Variants in ZMYM2 observed in about 807,000 individuals in gnomAD.
The protein encoded by ZMYM2 is zinc finger MYM-type protein 2.
ZMYM2 carries 56 observed loss-of-function variants against 162.8 expected under a neutral mutation model. That is an observed-to-expected ratio of 0.34 (90% CI 0.28 to 0.43). The LOEUF (loss-of-function observed/expected upper bound fraction) is 0.43, where lower values mean the gene tolerates loss of function less well. Ranked by LOEUF, ZMYM2 falls within the 20% of genes least tolerant of loss-of-function variation. The pLI is 1.00. For synonymous variants in ZMYM2, 510 were observed against 541.6 expected, an observed-to-expected ratio of 0.94 and a Z score of 0.81; for missense variants, 1,275 against 1,621.8, an observed-to-expected ratio of 0.79 and a Z score of 3.67.
the ZMYM2 span, among the ~76,000 whole-genome samples, chr13:19,947,828 C>T: frequency 1.3e-5 from 2 of 152,022 alleles, no homozygotes; most frequent in African/African-American, 2.4e-5. Flanking sequence ...GTTTACCTAT[C>T]CTACAACAGC....
At chr13:20,046,607 G>GTGTGTGTATA (rs781273129) in intron 12 of ZMYM2, among the ~76,000 whole-genome samples, 6 of 104,374 alleles carry the variant, frequency 5.7e-5, no homozygotes, top group African/African-American at 1.6e-4. Context: ...GTGTGTGTGT[G>GTGTGTGTATA]TATATATATG....
the ZMYM2 span, among the ~76,000 whole-genome samples, chr13:19,925,020 G>A: frequency 1.3e-5 from 2 of 152,116 alleles, no homozygotes; most frequent in Non-Finnish European, 1.5e-5. Flanking sequence ...GAGTAGCTGG[G>A]ATTACAGGCA....
intron 7 of ZMYM2, among the ~76,000 whole-genome samples, chr13:20,023,314 A>T (rs1594418405): frequency 1.3e-5 from 2 of 152,324 alleles, no homozygotes; most frequent in African/African-American, 4.8e-5. Context: ...GCCATTTCCT[A>T]AATTAGATTT....
rs755353903 is a variant in ZMYM2 at position 20,058,717 on chromosome 13, A to C, written c.2623+13A>C. On this transcript the variant is annotated intron_variant, in intron 15 of 24. Coordinates refer to ENST00000610343, the MANE Select transcript of ZMYM2 (RefSeq NM_197968.4). ...TCTTGTCAGACAGGTAACTTAGGAC[A>C]ATGTGACTTACATACTTCCCCATAC... The C allele has an allele frequency of 6.2e-7, 1 of 1,612,444 alleles. No individual in the cohort carries two copies. The highest frequency in any genetic ancestry group is 1.7e-5 in the Admixed American group (1 of 59,832).
At chr13:19,953,528 A>T in the ZMYM2 span, among the ~76,000 whole-genome samples, 1 of 151,962 alleles carries the variant, frequency 6.6e-6, no homozygotes, top group Non-Finnish European at 1.5e-5. Flanking sequence ...GCTAAAGAAC[A>T]CAAAAATTAG....
the ZMYM2 span, among the ~76,000 whole-genome samples, chr13:19,903,606 A>G: frequency 6.6e-6 from 1 of 151,574 alleles, no homozygotes; most frequent in South Asian, 2.1e-4. Flanking sequence ...GATGGCTCAT[A>G]CCTATAATCC....
At chr13:19,912,343 G>GTTTTT in the ZMYM2 span, among the ~76,000 whole-genome samples, 1 of 23,942 alleles carries the variant, frequency 4.2e-5, no homozygotes, top group African/African-American at 1.5e-4. Context: ...TTTGTTTTTT[G>GTTTTT]TTTTTTTGAG....
At chr13:20,059,693 TTC>T (rs200730314) in intron 16 of ZMYM2, 131 bp downstream of exon 16, 42,545 of 359,102 alleles carry the variant, frequency 0.12, 878 homozygotes, top group East Asian at 0.3. Flanking sequence ...ATTTTTTTTT[TTC>T]CCCAATAAAT....
upstream of ZMYM2, among the ~76,000 whole-genome samples, chr13:19,958,418 G>C (rs2138976989): frequency 6.6e-6 from 1 of 152,208 alleles, no homozygotes; most frequent in Non-Finnish European, 1.5e-5. Flanking sequence ...GGTTCGGTAC[G>C]GCGGGCAGCG....
chr13:19,907,974 T>A, the ZMYM2 span, among the ~76,000 whole-genome samples: 2 of 151,966 alleles, frequency 1.3e-5, no homozygotes, highest in East Asian at 1.9e-4. Flanking sequence ...AAACAGGACA[T>A]TTTGCAGTAT....
At chr13:20,048,210 G>A (rs570834166) in intron 12 of ZMYM2, among the ~76,000 whole-genome samples, 232 of 151,978 alleles carry the variant, frequency 1.5e-3, no homozygotes, top group Non-Finnish European at 2.8e-3. Flanking sequence ...CCCTCTAATA[G>A]TCTTAACAGT....
the ZMYM2 span, among the ~76,000 whole-genome samples, chr13:19,884,794 A>T: frequency 6.6e-6 from 1 of 152,182 alleles, no homozygotes; most frequent in Non-Finnish European, 1.5e-5. Context: ...ACAGAAAAAC[A>T]AAATCTTCAA....
intron 12 of ZMYM2, among the ~76,000 whole-genome samples, chr13:20,039,649 T>G (rs1954055765): frequency 1.3e-5 from 2 of 151,944 alleles, no homozygotes; most frequent in African/African-American, 4.8e-5. Context: ...AATTTTTTTG[T>G]GTGTTTTTAG....
Position 20,032,599 on chromosome 13 carries a change from CTTTTTTTTTTTTTT to C in ZMYM2, c.1968+1178_1968+1191del, listed in dbSNP as rs57294389. 5.0e-4 allele frequency among the ~76,000 whole-genome samples: 33 copies of C among 66,042 alleles called. 1 individual carries two copies. The highest frequency in any genetic ancestry group is 2.2e-3 in the Admixed American group (14 of 6,350). The allele number at this position is 66,042 out of a possible 152,430, so 43.3% of individuals were successfully genotyped here. A position where few individuals can be genotyped will look rare whatever the true frequency, so the allele number is the denominator to read the frequency against. On this transcript the variant is annotated intron_variant, in intron 10 of 24. Coordinates refer to ENST00000610343, the MANE Select transcript of ZMYM2 (RefSeq NM_197968.4). ...CTGGATTACATGATTTTTTTTCTGT[CTTTTTTTTTTTTTT>C]TTTTTTTTTTTTTGAGATGGAGTCT...
intron 14 of ZMYM2, among the ~76,000 whole-genome samples, chr13:20,054,255 A>G (rs1433968998): frequency 6.6e-6 from 1 of 152,256 alleles, no homozygotes; most frequent in African/African-American, 2.4e-5. Context: ...ATCAAGATGA[A>G]TATAGTACCT....
chr13:20,001,731 A>G (rs944511813), intron 3 of ZMYM2, among the ~76,000 whole-genome samples: 4 of 152,244 alleles, frequency 2.6e-5, no homozygotes, highest in African/African-American at 9.6e-5. Context: ...AGAAATTGCC[A>G]CAGCCAATTG....
intron 2 of ZMYM2, among the ~76,000 whole-genome samples, chr13:19,980,419 A>G (rs529697636): frequency 2.3e-3 from 349 of 152,002 alleles, no homozygotes; most frequent in Admixed American, 6.0e-3. Context: ...TAGCTTCATA[A>G]TATGCCAGTT....
chr13:19,988,585 C>T (rs1253904728), intron 2 of ZMYM2, among the ~76,000 whole-genome samples: 1 of 152,038 alleles, frequency 6.6e-6, no homozygotes, highest in Non-Finnish European at 1.5e-5. Context: ...AGATCAAGAC[C>T]ATCCTGGCCA....
At position 20,047,576 on chromosome 13, in the gene ZMYM2, AT is replaced by A. The variant is rs376572220; in HGVS notation, c.2293-3855del. On this transcript the variant is annotated intron_variant, in intron 12 of 24. Transcript: ENST00000610343. ...ATTTCTTAAATGGTAGTACACACAC[AT>A]TGTATTTTTACCTTCTCTTACCTTT... Among the ~76,000 whole-genome samples the A allele has an allele frequency of 4.1e-4, 63 of 152,294 alleles. 1 individual carries two copies. The South Asian group carries it at 0.013, about 31-fold the overall frequency.
Sources: gnomAD v4.1 joint callset for allele counts (sites outside exome capture counted in the v4.1 genomes callset) on GRCh38, gnomAD v4.1.1 for gene constraint, MANE v1.5 for transcripts, NCBI Gene and HGNC (gene_info 2026-07-23, HGNC 2026-07-21) for gene names.